The following HS6ST2 variants were observed in gnomAD, a reference collection of about 807,000 sequenced individuals.
The protein encoded by HS6ST2 is heparan-sulfate 6-O-sulfotransferase 2.
A neutral mutation model predicts 33.0 loss-of-function variants in HS6ST2; 17 were observed. The observed-to-expected ratio is 0.52, with a 90% confidence interval of 0.35 to 0.77. HS6ST2 has a LOEUF of 0.77. Ranked by LOEUF, HS6ST2 falls within the 30% of genes least tolerant of loss-of-function variation. The probability of loss-of-function intolerance (pLI) is 0.01; values close to 1 mark genes in which losing one functional copy is unlikely to be tolerated. For synonymous variants in HS6ST2, 248 were observed against 237.1 expected (o/e 1.05, Z -0.42); for missense variants, 519 against 551.7 (o/e 0.94, Z 0.59).
intron 2 of HS6ST2, among the ~76,000 whole-genome samples, chrX:132,737,547 A>G (rs189581821): frequency 8.3e-4 from 93 of 111,763 alleles, no homozygotes; most frequent in African/African-American, 2.8e-3. Flanking sequence ...AGAGATGGTC[A>G]GGAACTATGG....
At chrX:132,711,334 G>A (rs1022051479) in intron 2 of HS6ST2, among the ~76,000 whole-genome samples, 7 of 110,976 alleles carry the variant, frequency 6.3e-5, no homozygotes, top group African/African-American at 9.8e-5. Context: ...AAAGTGAAAC[G>A]ATTCACTTTT....
chrX:132,882,590 C>G (rs1164863053), intron 2 of HS6ST2, among the ~76,000 whole-genome samples: 1 of 106,297 alleles, frequency 9.4e-6, no homozygotes, highest in East Asian at 2.9e-4. Flanking sequence ...ATTTGACTTC[C>G]TCTTTTCCTA....
intron 2 of HS6ST2, among the ~76,000 whole-genome samples, chrX:132,920,659 G>C (rs763362296): frequency 1.8e-5 from 2 of 112,661 alleles, no homozygotes; most frequent in African/African-American, 6.4e-5. Flanking sequence ...TAGACATCAA[G>C]TTATTGGGGT....
At chrX:132,673,070 A>C (rs1297286300) in intron 3 of HS6ST2, among the ~76,000 whole-genome samples, 1 of 112,127 alleles carries the variant, frequency 8.9e-6, no homozygotes, top group Non-Finnish European at 1.9e-5. Context: ...ATAGTACTGA[A>C]ATTTTAAGAA....
chrX:132,697,140 A>G (rs778298038), intron 3 of HS6ST2, among the ~76,000 whole-genome samples: 9 of 112,426 alleles, frequency 8.0e-5, no homozygotes, highest in Non-Finnish European at 1.7e-4. Context: ...GTAGAATGTG[A>G]CTTGCCACTT....
chrX:132,724,781 C>T (rs1417356677), intron 2 of HS6ST2, among the ~76,000 whole-genome samples: 4 of 111,965 alleles, frequency 3.6e-5, no homozygotes, highest in Admixed American at 9.5e-5. Context: ...GCAACCAAAA[C>T]AGCATGGCAC....
intron 2 of HS6ST2, among the ~76,000 whole-genome samples, chrX:132,770,970 C>A (rs1459249739): frequency 8.9e-6 from 1 of 111,753 alleles, no homozygotes; most frequent in Non-Finnish European, 1.9e-5. Context: ...AAGTCTTATG[C>A]AGCCATTAAA....
At chrX:132,720,752 C>CAA (rs1324557110) in intron 2 of HS6ST2, among the ~76,000 whole-genome samples, 5 of 84,992 alleles carry the variant, frequency 5.9e-5, no homozygotes, top group African/African-American at 1.7e-4. Context: ...CAATGGAAAC[C>CAA]AAAAAAAAAA....
At chrX:132,861,039 T>C (rs1051522466) in intron 2 of HS6ST2, among the ~76,000 whole-genome samples, 9 of 110,772 alleles carry the variant, frequency 8.1e-5, no homozygotes, top group African/African-American at 3.0e-4. Flanking sequence ...GTGATCTGCC[T>C]GCCTTGGCCT....
chrX:132,772,861 T>C (rs2064918800), intron 2 of HS6ST2, among the ~76,000 whole-genome samples: 1 of 90,060 alleles, frequency 1.1e-5, no homozygotes, highest in Non-Finnish European at 2.0e-5. Context: ...TAATATAGTC[T>C]ATAATATAAA....
intron 2 of HS6ST2, among the ~76,000 whole-genome samples, chrX:132,825,523 G>C (rs1051344588): frequency 2.7e-5 from 3 of 111,415 alleles, no homozygotes; most frequent in East Asian, 2.8e-4. Flanking sequence ...CATATCTCCT[G>C]ATGGTTAAAG....
intron 3 of HS6ST2, among the ~76,000 whole-genome samples, chrX:132,674,579 A>G (rs2063908989): frequency 1.8e-5 from 2 of 111,645 alleles, no homozygotes; most frequent in African/African-American, 6.5e-5. Context: ...TGCTCTCTTC[A>G]CCTCTTGGTA....
At chrX:132,914,978 C>A (rs2066570041) in intron 2 of HS6ST2, among the ~76,000 whole-genome samples, 1 of 112,699 alleles carries the variant, frequency 8.9e-6, no homozygotes, top group Non-Finnish European at 1.9e-5. Flanking sequence ...GGGAAAATTG[C>A]AGCATGCAGC....
At chrX:132,867,053 G>C (rs2065992925) in intron 2 of HS6ST2, among the ~76,000 whole-genome samples, 1 of 83,149 alleles carries the variant, frequency 1.2e-5, no homozygotes, top group South Asian at 5.7e-4. Context: ...TCCCTGTCTT[G>C]TGTCAGTTTT....
In HS6ST2 at chrX:132,948,938, G is replaced by A. The variant is rs901813329; in HGVS notation, c.947+7870C>T. Among the ~76,000 whole-genome samples the A allele has an allele frequency of 2.7e-5, 3 of 111,907 alleles. No homozygotes were observed. The East Asian group carries it at 8.4e-4, about 31-fold the overall frequency. On this transcript the variant is annotated intron_variant, in intron 2 of 4. Coordinates refer to ENST00000370833, the MANE Select transcript of HS6ST2 (RefSeq NM_001394073.1). ...AACTTGTACCTACGGTGTAGTTTCA[G>A]TGGAGTTTCAACAATAAGATTATGC... is the stretch of plus-strand genomic sequence containing the variant.
intron 3 of HS6ST2, among the ~76,000 whole-genome samples, chrX:132,677,903 T>C (rs2063936057): frequency 8.9e-6 from 1 of 111,927 alleles, no homozygotes; most frequent in African/African-American, 3.3e-5. Flanking sequence ...GCAGGGTTGG[T>C]CCTACTTAAC....
intron 2 of HS6ST2, among the ~76,000 whole-genome samples, chrX:132,787,652 G>A (rs1375891655): frequency 1.9e-5 from 2 of 106,438 alleles, no homozygotes; most frequent in Non-Finnish European, 3.9e-5. Flanking sequence ...CACTTTGGGA[G>A]GCCGAGGCAG....
intron 3 of HS6ST2, among the ~76,000 whole-genome samples, chrX:132,702,616 T>G (rs1292359722): frequency 2.7e-5 from 3 of 112,036 alleles, no homozygotes; most frequent in Non-Finnish European, 5.6e-5. Flanking sequence ...AAAGTGTAAC[T>G]GAAGTCTGTA....
At chrX:132,657,153 T>G (rs1488078383) in intron 4 of HS6ST2, among the ~76,000 whole-genome samples, 1 of 110,987 alleles carries the variant, frequency 9.0e-6, no homozygotes, top group African/African-American at 3.3e-5. Context: ...CCTTGTCCAT[T>G]GTAGGCATTC....
Sources: gnomAD v4.1 joint callset for allele counts (sites outside exome capture counted in the v4.1 genomes callset) on GRCh38, gnomAD v4.1.1 for gene constraint, MANE v1.5 for transcripts, NCBI Gene and HGNC (gene_info 2026-07-23, HGNC 2026-07-21) for gene names.